CLNK: variants seen among roughly 807,000 people sequenced by gnomAD.
The protein encoded by CLNK is cytokine-dependent hematopoietic cell linker.
Under a neutral mutation model 68.6 loss-of-function variants are expected in CLNK, and 74 were observed. The ratio of observed to expected loss-of-function variants is 1.08; its 90% confidence interval spans 0.89 to 1.31. CLNK has a LOEUF of 1.31. CLNK is among the 50% of genes most tolerant of loss of function. The pLI is 0.00. For synonymous variants in CLNK, 198 were observed against 172.2 expected (o/e 1.15, Z -1.17); for missense variants, 553 against 515.3 (o/e 1.07, Z -0.71).
chr4:10,509,966 A>G (rs1018226675), intron 16 of CLNK, among the ~76,000 whole-genome samples: 1 of 152,204 alleles, frequency 6.6e-6, no homozygotes, highest in East Asian at 1.9e-4. Flanking sequence ...TTGGAGCCCC[A>G]TCTCCTGACT....
At chr4:10,685,809 A>G (rs892855478), upstream of CLNK, among the ~76,000 whole-genome samples, 21 of 152,190 alleles carry the variant, frequency 1.4e-4, no homozygotes, top group African/African-American at 5.1e-4. Context: ...ACATATGTAA[A>G]ATCCCATTTT....
At chr4:10,554,610 TTGAA>T (rs573565486) in intron 8 of CLNK, among the ~76,000 whole-genome samples, 82 of 152,360 alleles carry the variant, frequency 5.4e-4, no homozygotes, top group South Asian at 1.2e-3. Flanking sequence ...AACGTTAACT[TTGAA>T]TGAGCATTAT....
intron 2 of CLNK, among the ~76,000 whole-genome samples, chr4:10,639,191 C>T (rs569342326): frequency 1.3e-5 from 2 of 152,292 alleles, no homozygotes; most frequent in African/African-American, 4.8e-5. Context: ...AAGTTTCAGG[C>T]CCTTTCTTGC....
At chr4:10,658,974 G>A (rs1326787801) in intron 2 of CLNK, among the ~76,000 whole-genome samples, 1 of 152,100 alleles carries the variant, frequency 6.6e-6, no homozygotes, top group Non-Finnish European at 1.5e-5. Context: ...GAGGTGAGGC[G>A]GGTGGATTAC....
chr4:10,565,054 C>T (rs1463079410), intron 6 of CLNK, among the ~76,000 whole-genome samples: 1 of 152,124 alleles, frequency 6.6e-6, no homozygotes, highest in Non-Finnish European at 1.5e-5. Context: ...TTTGGCTATG[C>T]CATGCCCTTT....
Position 10,529,289 on chromosome 4 carries a change from A to G in CLNK, c.631-1195T>C, listed in dbSNP as rs1210273108. Among the ~76,000 whole-genome samples, 3 of 152,142 alleles carry G rather than the reference A, an allele frequency of 2.0e-5. No individual in the cohort carries two copies. In the East Asian group the frequency reaches 5.8e-4, roughly 29 times the overall value. ...GAGATAAAGGTTTATTATACCTTTC[A>G]TCAAATTTTCAAAGTAGTGTGAGGT... is the stretch of plus-strand genomic sequence containing the variant. On this transcript the variant is annotated intron_variant, in intron 12 of 18. Coordinates refer to ENST00000226951, the MANE Select transcript of CLNK (RefSeq NM_052964.4).
chr4:10,672,602 C>A (rs1724691202), intron 1 of CLNK, among the ~76,000 whole-genome samples: 1 of 152,140 alleles, frequency 6.6e-6, no homozygotes, highest in South Asian at 2.1e-4. Flanking sequence ...AGGTAAGCAT[C>A]TGCTAATAAC....
chr4:10,587,832 C>T (rs2108838834), intron 3 of CLNK, among the ~76,000 whole-genome samples: 1 of 152,296 alleles, frequency 6.6e-6, no homozygotes, highest in Admixed American at 6.5e-5. Context: ...TCCCCTACCC[C>T]AGGCCTATAG....
In CLNK at chr4:10,637,582, T is replaced by TC. The variant is rs1723141338; in HGVS notation, c.11+30276dup. Among the ~76,000 whole-genome samples, 5 of 123,754 alleles carry TC rather than the reference T, an allele frequency of 4.0e-5. No homozygotes were observed. The Admixed American group carries it at 4.4e-4, about 11-fold the overall frequency. The allele number at this position is 123,754 out of a possible 152,430, so 81.2% of individuals were successfully genotyped here. A position where few individuals can be genotyped will look rare whatever the true frequency, so the allele number is the denominator to read the frequency against. ...GCTCCTGGAACATGCCCACCATTCC[T>TC]CTTTTTTTTTTTTTTTTTTTTTTTT... On this transcript the variant is annotated intron_variant, in intron 2 of 18. Transcript: ENST00000226951.
chr4:10,628,673 C>T (rs534380964), intron 2 of CLNK, among the ~76,000 whole-genome samples: 2 of 152,252 alleles, frequency 1.3e-5, no homozygotes, highest in South Asian at 4.1e-4. Context: ...GACTGCGATG[C>T]CTGTGTTGGG....
intron 1 of CLNK, among the ~76,000 whole-genome samples, chr4:10,679,804 A>C (rs543823195): frequency 1.9e-3 from 295 of 152,322 alleles, no homozygotes; most frequent in African/African-American, 6.7e-3. Context: ...ATGCAAATCA[A>C]AACCACAATG....
intron 2 of CLNK, among the ~76,000 whole-genome samples, chr4:10,631,537 AG>A (rs774507765): frequency 6.7e-5 from 8 of 119,320 alleles, no homozygotes; most frequent in Non-Finnish European, 1.2e-4. Flanking sequence ...GTGGATAGGC[AG>A]TTGATCAATC....
At chr4:10,546,353 T>C (rs1044772148) in intron 8 of CLNK, among the ~76,000 whole-genome samples, 6 of 152,234 alleles carry the variant, frequency 3.9e-5, no homozygotes, top group African/African-American at 1.4e-4. Flanking sequence ...CTGCTAGATA[T>C]CCTAGTTTAT....
At chr4:10,522,257 C>CAAAAAAAAAAAAAAAAAAAAAA (rs5856060) in intron 14 of CLNK, among the ~76,000 whole-genome samples, 1 of 121,014 alleles carries the variant, frequency 8.3e-6, no homozygotes, top group Non-Finnish European at 1.7e-5. Flanking sequence ...GACTCTGTCT[C>CAAAAAAAAAAAAAAAAAAAAAA]AAAAAAAAAA....
chr4:10,640,157 C>G (rs979957304), intron 2 of CLNK, among the ~76,000 whole-genome samples: 1 of 150,736 alleles, frequency 6.6e-6, no homozygotes, highest in East Asian at 1.9e-4. Flanking sequence ...AATGGACTAA[C>G]ATTTTTTTTT....
the CLNK span, among the ~76,000 whole-genome samples, chr4:10,726,989 G>T: frequency 6.6e-6 from 1 of 152,170 alleles, no homozygotes; most frequent in Non-Finnish European, 1.5e-5. Context: ...GGTATCTTTT[G>T]AGCATCATCA....
intron 7 of CLNK, among the ~76,000 whole-genome samples, chr4:10,561,278 C>T (rs992545873): frequency 1.3e-5 from 2 of 152,154 alleles, no homozygotes; most frequent in Non-Finnish European, 2.9e-5. Context: ...ATTTTGCTCA[C>T]CTTGCCCTAT....
chr4:10,573,746 C>T (rs538492723), intron 4 of CLNK, among the ~76,000 whole-genome samples: 25 of 152,204 alleles, frequency 1.6e-4, no homozygotes, highest in African/African-American at 4.8e-4. Flanking sequence ...TGGGGAGCTG[C>T]GGGGTCTCCT....
chr4:10,560,103 A>G (rs1293611758), intron 7 of CLNK, among the ~76,000 whole-genome samples: 3 of 152,220 alleles, frequency 2.0e-5, no homozygotes, highest in Admixed American at 1.3e-4. Flanking sequence ...GGCTTCCTTC[A>G]TCAGACCCCT....
Sources: allele counts gnomAD v4.1 joint callset (sites outside exome capture counted in the v4.1 genomes callset), GRCh38; gene constraint gnomAD v4.1.1; transcripts MANE v1.5; gene names NCBI Gene and HGNC (gene_info 2026-07-23, HGNC 2026-07-21).